Variants in MAPK4 observed in about 807,000 individuals in gnomAD.
MAPK4 encodes mitogen-activated protein kinase 4.
Under a neutral mutation model 47.7 loss-of-function variants are expected in MAPK4, and 22 were observed. The ratio of observed to expected loss-of-function variants is 0.46; its 90% CI spans 0.33 to 0.66. The LOEUF is 0.66. Among genes scored for constraint, MAPK4 ranks in the 30% least tolerant of loss-of-function variants. The pLI, the probability that MAPK4 is intolerant of heterozygous loss-of-function variation, is 0.02. For synonymous variants in MAPK4, 390 were observed against 365.7 expected (o/e 1.07, Z -0.76); for missense variants, 736 against 831.7 (o/e 0.88, Z 1.42).
chr18:50,668,028 T>C (rs1352819681), intron 2 of MAPK4, among the ~76,000 whole-genome samples: 2 of 152,202 alleles, frequency 1.3e-5, no homozygotes, highest in Non-Finnish European at 2.9e-5. Flanking sequence ...TTGAGTTTAA[T>C]TAATTTGCTA....
intron 1 of MAPK4, among the ~76,000 whole-genome samples, chr18:50,572,562 TCAG>T (rs1170504138): frequency 6.6e-6 from 1 of 152,208 alleles, no homozygotes; most frequent in Admixed American, 6.5e-5. Flanking sequence ...TCCTTTCTTA[TCAG>T]CAGTCTTTCT....
In MAPK4 at chr18:50,678,444, A is replaced by G. The variant is rs528601174; in HGVS notation, c.546+13940A>G. Among the ~76,000 whole-genome samples, 6 of 152,306 alleles carry G rather than the reference A, an allele frequency of 3.9e-5. No homozygotes were observed. In the South Asian group the frequency reaches 1.2e-3, roughly 32 times the overall value. On this transcript the variant is annotated intron_variant, in intron 2 of 5. Coordinates refer to ENST00000400384, the MANE Select transcript of MAPK4 (RefSeq NM_002747.4). This position sits in a 1 kb window ranked among gnomAD's most constrained non-coding sequence, Gnocchi z 4.2. ...CCAACCAATCTGAACAGACATCGGCAGTGACCAATCAGAGTAGATACTGTC... is the reference window on the plus strand; with the variant it reads ...CCAACCAATCTGAACAGACATCGGCGGTGACCAATCAGAGTAGATACTGTC...
chr18:50,726,670 G>A (rs1287367377), intron 5 of MAPK4, among the ~76,000 whole-genome samples: 1 of 152,074 alleles, frequency 6.6e-6, no homozygotes, highest in East Asian at 1.9e-4. Flanking sequence ...GGCCAAGGTG[G>A]GAGGATAGCT....
rs533212575 is a variant in MAPK4 at position 50,671,904 on chromosome 18, A to G, written c.546+7400A>G. Reference sequence around the variant, plus strand: ...GACCCTGACTCAAAAAAAAAAAAAAAAAAATCATGTTGATCAACTTCATTT... The same window carrying G: ...GACCCTGACTCAAAAAAAAAAAAAAGAAAATCATGTTGATCAACTTCATTT... On this transcript the variant is annotated intron_variant, in intron 2 of 5. Transcript: ENST00000400384. 5.3e-5 allele frequency among the ~76,000 whole-genome samples: 8 copies of G among 151,974 alleles called. No individual in the cohort carries two copies. The East Asian group carries it at 1.5e-3, about 29-fold the overall frequency.
chr18:50,610,446 T>C (rs2042622985), intron 1 of MAPK4, among the ~76,000 whole-genome samples: 1 of 152,096 alleles, frequency 6.6e-6, no homozygotes, highest in Non-Finnish European at 1.5e-5. Flanking sequence ...TGTGGGAAAA[T>C]GGGAAACCAC....
chr18:50,617,286 CT>C (rs1295194589), intron 1 of MAPK4, among the ~76,000 whole-genome samples: 5 of 152,056 alleles, frequency 3.3e-5, no homozygotes, highest in Non-Finnish European at 7.4e-5. Context: ...ATTGAAACAA[CT>C]TTTTTCTTAA....
chr18:50,573,950 G>A (rs374098350), intron 1 of MAPK4, among the ~76,000 whole-genome samples: 1 of 152,126 alleles, frequency 6.6e-6, no homozygotes, highest in Admixed American at 6.5e-5. Context: ...CTGAAGCTAC[G>A]GGAAGATGTG....
intron 1 of MAPK4, among the ~76,000 whole-genome samples, chr18:50,639,014 G>C (rs1270678582): frequency 6.6e-6 from 1 of 152,204 alleles, no homozygotes; most frequent in Non-Finnish European, 1.5e-5. Context: ...CCTTATATGG[G>C]CACAACCTGG....
intron 1 of MAPK4, among the ~76,000 whole-genome samples, chr18:50,591,043 G>A (rs1255628011): frequency 1.3e-5 from 2 of 152,162 alleles, no homozygotes; most frequent in African/African-American, 4.8e-5. Flanking sequence ...CTTTTTAAAC[G>A]TGATAATGCT....
At chr18:50,598,328 C>T (rs944078820) in intron 1 of MAPK4, among the ~76,000 whole-genome samples, 3 of 151,940 alleles carry the variant, frequency 2.0e-5, no homozygotes, top group South Asian at 2.1e-4. Context: ...ACAGTCCTCC[C>T]GCTTCATTCA....
chr18:50,649,429 G>A (rs919332370), intron 1 of MAPK4, among the ~76,000 whole-genome samples: 4 of 152,178 alleles, frequency 2.6e-5, no homozygotes, highest in African/African-American at 7.2e-5. Context: ...ACAGGTGAGG[G>A]TTCTGTCCCC....
At position 50,606,793 on chromosome 18, in the gene MAPK4, C is replaced by T. The variant is rs2042586651; in HGVS notation, c.-871+46550C>T. On this transcript the variant is annotated intron_variant, in intron 1 of 5. Transcript: ENST00000400384. ...GCATAGCTGTGTGGCAGTAAAACTT[C>T]ATGTAGAAAAACAGGCAGCTGTCCA... Among the ~76,000 whole-genome samples the T allele has an allele frequency of 2.6e-5, 4 of 152,314 alleles. No individual in the cohort carries two copies. In the South Asian group the frequency reaches 8.3e-4, roughly 32 times the overall value.
chr18:50,629,811 G>C (rs1231934622), intron 1 of MAPK4: 1 of 152,188 alleles, frequency 6.6e-6, no homozygotes, highest in African/African-American at 2.4e-5. Flanking sequence ...GAAATCACCT[G>C]GAGGCCCAGG....
chr18:50,651,712 T>C (rs1018663449), intron 1 of MAPK4, among the ~76,000 whole-genome samples: 1 of 152,228 alleles, frequency 6.6e-6, no homozygotes, highest in Non-Finnish European at 1.5e-5. Flanking sequence ...GGTTAGCCAG[T>C]TGGCAATTCA....
intron 1 of MAPK4, among the ~76,000 whole-genome samples, chr18:50,613,647 C>A (rs114938650): frequency 6.6e-6 from 1 of 152,202 alleles, no homozygotes; most frequent in Non-Finnish European, 1.5e-5. Context: ...AATACATGCA[C>A]GTATCTGCAA....
At chr18:50,628,538 A>G (rs1163085642) in intron 1 of MAPK4, among the ~76,000 whole-genome samples, 5 of 152,226 alleles carry the variant, frequency 3.3e-5, no homozygotes, top group Admixed American at 6.5e-5. Context: ...AAGATTTCGC[A>G]AAGTGTTTTT....
chr18:50,677,242 G>A (rs1042949176), intron 2 of MAPK4, among the ~76,000 whole-genome samples: 14 of 152,214 alleles, frequency 9.2e-5, no homozygotes, highest in Admixed American at 7.8e-4. Context: ...TGCCAAAAAG[G>A]TTGGGGACTG....
At chr18:50,679,307 G>A (rs1908449491) in intron 2 of MAPK4, among the ~76,000 whole-genome samples, 1 of 152,184 alleles carries the variant, frequency 6.6e-6, no homozygotes, top group South Asian at 2.1e-4. Context: ...GTCCCCAGCT[G>A]CCCTTCCAAG....
intron 2 of MAPK4, among the ~76,000 whole-genome samples, chr18:50,710,299 G>A (rs1270010028): frequency 2.6e-5 from 4 of 151,830 alleles, no homozygotes; most frequent in African/African-American, 9.7e-5. Flanking sequence ...CCTGGGCAAC[G>A]TGGCAAAACT....
Sources: allele counts gnomAD v4.1 joint callset (sites outside exome capture counted in the v4.1 genomes callset), GRCh38; gene constraint gnomAD v4.1.1; non-coding constraint Gnocchi (gnomAD v3.1); transcripts MANE v1.5; gene names NCBI Gene and HGNC (gene_info 2026-07-23, HGNC 2026-07-21).